The following POLR1D variants were observed in gnomAD, a reference collection of about 807,000 sequenced individuals.
The protein encoded by POLR1D is DNA-directed RNA polymerases I and III subunit RPAC2.
Under a neutral mutation model 10.8 loss-of-function variants are expected in POLR1D, and 8 were observed. The observed-to-expected ratio is 0.74, with a 90% confidence interval of 0.43 to 1.33. POLR1D has a LOEUF of 1.33. POLR1D is among the 40% of genes most tolerant of loss of function. The probability of loss-of-function intolerance (pLI) is 0.01; values close to 1 mark genes in which losing one functional copy is unlikely to be tolerated. For missense variants in POLR1D, 152 were observed against 161.7 expected, an observed-to-expected ratio of 0.94 and a Z score of 0.32; for synonymous variants, 54 against 57.2, an observed-to-expected ratio of 0.94 and a Z score of 0.25.
intron 2 of POLR1D, among the ~76,000 whole-genome samples, chr13:27,653,547 G>C (rs1454088206): frequency 6.6e-6 from 1 of 152,074 alleles, no homozygotes; most frequent in Non-Finnish European, 1.5e-5. Context: ...TTGTTACTTG[G>C]TTATCTCAAT....
chr13:27,644,658 C>G (rs1956203381), intron 1 of POLR1D, among the ~76,000 whole-genome samples: 1 of 152,118 alleles, frequency 6.6e-6, no homozygotes, highest in Non-Finnish European at 1.5e-5. Context: ...AAGAAACCTT[C>G]AAGATATTGA....
At chr13:27,665,296 G>T in intron 2 of POLR1D, 1 of 210,210 alleles carries the variant, frequency 4.8e-6, no homozygotes, top group Non-Finnish European at 9.7e-6. Flanking sequence ...TCACTGTCTG[G>T]TAATAAAACG....
At chr13:27,631,954 G>A (rs1956077399) in intron 1 of POLR1D, among the ~76,000 whole-genome samples, 1 of 152,164 alleles carries the variant, frequency 6.6e-6, no homozygotes, top group Non-Finnish European at 1.5e-5. Flanking sequence ...TATTGAGTGG[G>A]ACAAGGAACC....
At chr13:27,648,545 G>C in intron 2 of POLR1D, 1 of 759,254 alleles carries the variant, frequency 1.3e-6, no homozygotes, top group Non-Finnish European at 2.3e-6. Context: ...AGAGGAAATG[G>C]GAAACCATGG....
intron 1 of POLR1D, among the ~76,000 whole-genome samples, chr13:27,640,899 A>G (rs9507915): frequency 0.016 from 2,491 of 152,204 alleles, 36 homozygotes; most frequent in Non-Finnish European, 0.023. Context: ...ACTTTAAATC[A>G]TGTCTAGATT....
chr13:27,636,302 T>C (rs1956123704), intron 1 of POLR1D, among the ~76,000 whole-genome samples: 1 of 152,232 alleles, frequency 6.6e-6, no homozygotes, highest in Non-Finnish European at 1.5e-5. Flanking sequence ...TATTATTTAG[T>C]GTTAGGCAAG....
intron 1 of POLR1D, among the ~76,000 whole-genome samples, chr13:27,634,376 T>C (rs1041263576): frequency 2.0e-5 from 3 of 152,176 alleles, no homozygotes; most frequent in Non-Finnish European, 2.9e-5. Flanking sequence ...TCTAATAAGT[T>C]GGTCCCCATC....
intron 1 of POLR1D, among the ~76,000 whole-genome samples, chr13:27,642,122 T>C (rs1033186939): frequency 6.6e-6 from 1 of 152,198 alleles, no homozygotes; most frequent in Non-Finnish European, 1.5e-5. Flanking sequence ...AACAGGTATA[T>C]ATATACAATG....
At chr13:27,637,744 C>A (rs772775761) in intron 1 of POLR1D, among the ~76,000 whole-genome samples, 2 of 151,834 alleles carry the variant, frequency 1.3e-5, no homozygotes, top group African/African-American at 2.4e-5. Context: ...TGAAACTTGA[C>A]GGTGTAGGGT....
intron 2 of POLR1D, among the ~76,000 whole-genome samples, chr13:27,652,911 C>CTTTTTTTTTTTT (rs71083685): frequency 1.1e-5 from 1 of 89,332 alleles, no homozygotes; most frequent in Non-Finnish European, 2.1e-5. Flanking sequence ...TTTACCATTT[C>CTTTTTTTTTTTT]TTTTTTTTTT....
At chr13:27,628,750 G>A (rs1410897228) in intron 1 of POLR1D, among the ~76,000 whole-genome samples, 1 of 152,186 alleles carries the variant, frequency 6.6e-6, no homozygotes, top group African/African-American at 2.4e-5. Context: ...AGGAGGATAT[G>A]TAGGATATTG....
chr13:27,655,853 G>A (rs1221581087), intron 2 of POLR1D, among the ~76,000 whole-genome samples: 1 of 142,498 alleles, frequency 7.0e-6, no homozygotes, highest in South Asian at 2.1e-4. Context: ...GCAGGAGGAA[G>A]GAAGGGAGTG....
At chr13:27,633,010 T>C (rs1956089065) in intron 1 of POLR1D, among the ~76,000 whole-genome samples, 2 of 152,216 alleles carry the variant, frequency 1.3e-5, no homozygotes, top group African/African-American at 4.8e-5. Context: ...AATTTGTGGT[T>C]GTGTGTCTTC....
intron 1 of POLR1D, among the ~76,000 whole-genome samples, chr13:27,642,330 C>T (rs555460431): frequency 6.6e-6 from 1 of 152,234 alleles, no homozygotes; most frequent in Admixed American, 6.5e-5. Context: ...CTGTGGTTTC[C>T]CAGTCTGCCC....
chr13:27,653,317 A>G (rs1312478981), intron 2 of POLR1D, among the ~76,000 whole-genome samples: 4 of 152,140 alleles, frequency 2.6e-5, no homozygotes, highest in African/African-American at 4.8e-5. Flanking sequence ...GCAGATAAGT[A>G]TCTGGGGTTC....
rs1331871645 is a variant in POLR1D at position 27,652,907 on chromosome 13, A to C, written c.101+4454A>C. Reference sequence around the variant, plus strand: ...AAACTTGCCAGAAGTTGCATTTACCATTTCTTTTTTTTTTTTTTTTTTTTT... The same window carrying C: ...AAACTTGCCAGAAGTTGCATTTACCCTTTCTTTTTTTTTTTTTTTTTTTTT... On this transcript the variant is annotated intron_variant, in intron 2 of 2. Transcript: ENST00000399697. 5.1e-4 allele frequency among the ~76,000 whole-genome samples: 40 copies of C among 78,470 alleles called. 1 individual carries two copies. The highest frequency in any genetic ancestry group is 1.1e-3 in the African/African-American group (19 of 16,680). 51.5% of individuals were successfully genotyped at this position (78,470 alleles called of 152,430 possible). A position where few individuals can be genotyped will look rare whatever the true frequency, so the allele number is the denominator to read the frequency against.
At chr13:27,623,835 G>T (rs899445621), downstream of POLR1D, among the ~76,000 whole-genome samples, 2 of 152,150 alleles carry the variant, frequency 1.3e-5, no homozygotes, top group Non-Finnish European at 2.9e-5. Flanking sequence ...AGGGAGTAAG[G>T]CTCCATCTTT....
intron 2 of POLR1D, among the ~76,000 whole-genome samples, chr13:27,654,622 C>T (rs1956293604): frequency 6.6e-6 from 1 of 152,186 alleles, no homozygotes; most frequent in South Asian, 2.1e-4. Context: ...AAGTACTTTT[C>T]CTTGAGGCCT....
At chr13:27,621,788 G>C (rs886050103), upstream of POLR1D, 1 of 442,528 alleles carries the variant, frequency 2.3e-6, no homozygotes, top group Non-Finnish European at 4.0e-6. Flanking sequence ...CGTCGGGGCG[G>C]GGGCTGGGGG....
Sources: allele counts gnomAD v4.1 joint callset (sites outside exome capture counted in the v4.1 genomes callset), GRCh38; gene constraint gnomAD v4.1.1; transcripts MANE v1.5; gene names NCBI Gene and HGNC (gene_info 2026-07-23, HGNC 2026-07-21).